Variants in PLEKHH1 observed in about 807,000 individuals in gnomAD.
PLEKHH1 encodes the protein pleckstrin homology domain-containing family H member 1.
Under a neutral mutation model 160.0 loss-of-function variants are expected in PLEKHH1, and 104 were observed. That is an observed-to-expected ratio of 0.65 (90% confidence interval 0.55 to 0.76). The LOEUF is 0.76. Ranked by LOEUF, PLEKHH1 falls within the 30% of genes least tolerant of loss-of-function variation. PLEKHH1 has a pLI of 0.00. For synonymous variants in PLEKHH1, 619 were observed against 678.4 expected (o/e 0.91, Z 1.36); for missense variants, 1,427 against 1,724.1 (o/e 0.83, Z 3.05).
At chr14:67,554,670 G>A (rs1217494948) in intron 2 of PLEKHH1, among the ~76,000 whole-genome samples, 6 of 152,212 alleles carry the variant, frequency 3.9e-5, no homozygotes, top group Non-Finnish European at 7.3e-5. Context: ...AAGAATGGGA[G>A]CTGACATCTA....
At chr14:67,559,753 G>A (rs2034750197) in intron 5 of PLEKHH1, 62 bp downstream of exon 5, 4 of 1,076,360 alleles carry the variant, frequency 3.7e-6, no homozygotes, top group Admixed American at 2.0e-5. Flanking sequence ...CCTGACCCCC[G>A]GAGTTTCCTG....
At chr14:67,534,235 T>C (rs2033602922) in intron 1 of PLEKHH1, among the ~76,000 whole-genome samples, 1 of 152,156 alleles carries the variant, frequency 6.6e-6, no homozygotes, top group Non-Finnish European at 1.5e-5. Flanking sequence ...TTAGTGTTTC[T>C]GCATATTATT....
chr14:67,547,732 C>A (rs568157807), intron 2 of PLEKHH1, among the ~76,000 whole-genome samples: 2 of 152,196 alleles, frequency 1.3e-5, no homozygotes, highest in African/African-American at 4.8e-5. Flanking sequence ...GGAAGAATGC[C>A]CTTCTTCCTA....
intron 10 of PLEKHH1, 63 bp downstream of exon 10, chr14:67,571,965 G>T: frequency 2.0e-6 from 3 of 1,534,614 alleles, no homozygotes; most frequent in Non-Finnish European, 2.7e-6. Flanking sequence ...CTTCCCATGG[G>T]CACTTGAACA....
intron 1 of PLEKHH1, among the ~76,000 whole-genome samples, chr14:67,535,445 A>T (rs915085904): frequency 7.4e-6 from 1 of 135,724 alleles, no homozygotes; most frequent in African/African-American, 2.9e-5. Flanking sequence ...CAGTGGTGCA[A>T]TCTCAGCTCA....
At chr14:67,575,576 A>G in intron 15 of PLEKHH1, 104 bp downstream of exon 15, 1 of 800,356 alleles carries the variant, frequency 1.2e-6, no homozygotes. Context: ...TAACCCCACA[A>G]TAAATACAAA....
intron 27 of PLEKHH1, 33 bp from the exon 28 acceptor site, chr14:67,585,918 G>A: frequency 6.3e-7 from 1 of 1,591,612 alleles, no homozygotes; most frequent in East Asian, 2.2e-5. Flanking sequence ...CAGGTGGAAA[G>A]TTTCCCCACA....
At chr14:67,566,544 A>G (rs2035097925) in intron 7 of PLEKHH1, among the ~76,000 whole-genome samples, 1 of 151,482 alleles carries the variant, frequency 6.6e-6, no homozygotes, top group South Asian at 2.1e-4. Context: ...CAGAAGTTCA[A>G]GACCAACCTG....
intron 4 of PLEKHH1, 150 bp from the exon 5 acceptor site, chr14:67,559,458 A>G (rs2034732556): frequency 3.3e-6 from 2 of 603,418 alleles, no homozygotes; most frequent in South Asian, 4.0e-5. Context: ...GTGTTACCTT[A>G]TCAAATAATA....
chr14:67,562,782 C>A lies in PLEKHH1; in HGVS notation c.1151C>A (p.Pro384Gln). The part of the protein sequence containing the change: ...PEKMEMEEPP[P>Q]AGKNEERESP... ...AAGATGGAGATGGAGGAGCCACCCC[C>A]AGCAGGGAAGAATGAGGAAAGAGAG... The change falls in exon 7 of 29, where the codon CCA (proline) becomes CAA (glutamine). Residue 384 changes from proline to glutamine, a missense_variant. Pro to Gln is a moderately conservative substitution (Grantham distance 76). Coordinates refer to ENST00000329153, the MANE Select transcript of PLEKHH1 (RefSeq NM_020715.3). 6.2e-7 allele frequency: 1 copy of A among 1,613,814 alleles called. No individual in the cohort carries two copies. Among genetic ancestry groups the A allele is most frequent in the Non-Finnish European group, 8.5e-7 (1 of 1,179,790 alleles).
intron 1 of PLEKHH1, 42 bp downstream of exon 1, chr14:67,533,440 G>C (rs938025763): frequency 2.0e-5 from 3 of 152,186 alleles, no homozygotes; most frequent in Non-Finnish European, 4.4e-5. Context: ...GGCTGGGGCT[G>C]CGCCGCGGCG....
intron 11 of PLEKHH1, among the ~76,000 whole-genome samples, chr14:67,572,602 C>T (rs1457954796): frequency 7.2e-6 from 1 of 138,858 alleles, no homozygotes; most frequent in African/African-American, 2.5e-5. Context: ...CGCAAGCTAA[C>T]ATTTATTGAA....
At position 67,564,147 on chromosome 14, in the gene PLEKHH1, C is replaced by T. The variant is rs982295884; in HGVS notation, c.1263+1253C>T. On this transcript the variant is annotated intron_variant, in intron 7 of 28. Coordinates refer to ENST00000329153, the MANE Select transcript of PLEKHH1 (RefSeq NM_020715.3). ...CGATCTCCTGACCTCGTGATCCGCCCGCCTCAGCCTCCCAAAGTGTAATTT... is the reference window on the plus strand; with the variant it reads ...CGATCTCCTGACCTCGTGATCCGCCTGCCTCAGCCTCCCAAAGTGTAATTT... Among the ~76,000 whole-genome samples, 10 of 152,026 alleles carry T rather than the reference C, an allele frequency of 6.6e-5. No individual in the cohort carries two copies. In the South Asian group the frequency reaches 8.3e-4, roughly 13 times the overall value.
intron 10 of PLEKHH1, 43 bp from the exon 11 acceptor site, chr14:67,572,092 G>A: frequency 6.3e-7 from 1 of 1,581,922 alleles, no homozygotes; most frequent in African/African-American, 1.3e-5. Context: ...CGTGAGTCGG[G>A]GAGGTGTGGG....
At position 67,589,581 on chromosome 14, in the gene PLEKHH1, G is replaced by A. The variant is rs2036305173; in HGVS notation, c.*2346G>A. On this transcript the variant is annotated 3_prime_UTR_variant, in exon 29 of 29. Coordinates refer to ENST00000329153, the MANE Select transcript of PLEKHH1 (RefSeq NM_020715.3). ...CTGTTTATTAACAGTAAATAAATAA[G>A]CCCTGTACAGAACACAGGCACTAGG... 1.0e-6 allele frequency: 1 copy of A among 985,526 alleles called. No individual in the cohort carries two copies. The highest frequency in any genetic ancestry group is 5.2e-4 in the Middle Eastern group (1 of 1,914). The allele number at this position is 985,526 out of a possible 1,614,324, so 61.0% of individuals were successfully genotyped here.
intron 2 of PLEKHH1, among the ~76,000 whole-genome samples, chr14:67,553,951 G>A (rs1022539351): frequency 6.6e-6 from 1 of 152,202 alleles, no homozygotes; most frequent in Non-Finnish European, 1.5e-5. Context: ...GCTTGAACAC[G>A]TGAATGCCTG....
At chr14:67,551,080 A>G (rs1193104669) in intron 2 of PLEKHH1, among the ~76,000 whole-genome samples, 1 of 152,228 alleles carries the variant, frequency 6.6e-6, no homozygotes, top group Admixed American at 6.5e-5. Flanking sequence ...AGCTATATAC[A>G]TATAAGCTAA....
At chr14:67,575,213 C>T (rs879649915) in intron 14 of PLEKHH1, among the ~76,000 whole-genome samples, 179 bp from the exon 15 acceptor site, 2 of 151,988 alleles carry the variant, frequency 1.3e-5, no homozygotes, top group African/African-American at 2.4e-5. Context: ...GCTGGGGTGC[C>T]ACAGGGTGTC....
chr14:67,555,520 A>C (rs2140387303), intron 2 of PLEKHH1, among the ~76,000 whole-genome samples: 1 of 152,330 alleles, frequency 6.6e-6, no homozygotes, highest in Admixed American at 6.5e-5. Context: ...TGGGATGCTC[A>C]GGAAGAATGA....
Sources: gnomAD v4.1 joint callset for allele counts (sites outside exome capture counted in the v4.1 genomes callset) on GRCh38, gnomAD v4.1.1 for gene constraint, MANE v1.5 for transcripts, NCBI Gene and HGNC (gene_info 2026-07-23, HGNC 2026-07-21) for gene names.